The following EPB41L1 variants were observed in gnomAD, a reference collection of about 807,000 sequenced individuals.
EPB41L1 encodes the protein band 4.1-like protein 1.
A neutral mutation model predicts 97.8 loss-of-function variants in EPB41L1; 29 were observed. The ratio of observed to expected loss-of-function variants is 0.30; its 90% CI spans 0.22 to 0.40. The LOEUF is 0.40. EPB41L1 is among the 10% of genes least tolerant of loss of function. The pLI is 1.00. For missense variants in EPB41L1, 812 were observed against 1,162.3 expected (o/e 0.70, Z 4.38); for synonymous variants, 383 against 459.2 (o/e 0.83, Z 2.12).
rs150001504 is a variant in EPB41L1, at chr20:36,194,591, C to T, written c.1449+231C>T. Among the ~76,000 whole-genome samples, 654 of 152,294 alleles carry T rather than the reference C, an allele frequency of 4.3e-3. 3 individuals carry two copies. Among genetic ancestry groups the T allele is most frequent in the Middle Eastern group, 0.034 (10 of 294 alleles). ...CTGTCCTGTACTCTCCCCAGCTTTG[C>T]CCTGCTTTTCCAGAGGGGCACTCTG... On this transcript the variant is annotated intron_variant, in intron 12 of 21. Coordinates refer to ENST00000338074, the MANE Select transcript of EPB41L1 (RefSeq NM_012156.2).
rs1331471421 is a variant in EPB41L1 at position 36,135,027 on chromosome 20, C to T, written c.-10+22547C>T. The stretch of plus-strand genomic sequence containing the variant: ...TACAGGTGCATGCGACCACATCTGG[C>T]TAACTTTTGTATTTTTAGTAGAGAC... On this transcript the variant is annotated intron_variant, in intron 2 of 19. Transcript: ENST00000202028. Among the ~76,000 whole-genome samples, 5 of 151,820 alleles carry T rather than the reference C, an allele frequency of 3.3e-5. No homozygotes were observed. The East Asian group carries it at 9.7e-4, about 29-fold the overall frequency.
intron 2 of EPB41L1, among the ~76,000 whole-genome samples, chr20:36,174,648 T>C (rs2061148766): frequency 6.6e-6 from 1 of 151,254 alleles, no homozygotes. Flanking sequence ...ACTCCTGGGC[T>C]CGAGTGATCC....
At chr20:36,142,508 A>C (rs749985558) in intron 2 of EPB41L1, among the ~76,000 whole-genome samples, 7 of 152,250 alleles carry the variant, frequency 4.6e-5, no homozygotes, top group Non-Finnish European at 8.8e-5. Context: ...CAACGATGAA[A>C]GATGAAACCA....
chr20:36,133,867 A>C (rs1438233067), intron 2 of EPB41L1, among the ~76,000 whole-genome samples: 2 of 152,062 alleles, frequency 1.3e-5, no homozygotes, highest in African/African-American at 2.4e-5. Context: ...AAAAAAAAAA[A>C]AAAAAAGTAA....
At position 36,092,878 on chromosome 20, in the gene EPB41L1, CGT is replaced by C. The variant is rs1184695303; in HGVS notation, c.-65+1270_-65+1271del. On this transcript the variant is annotated intron_variant, in intron 1 of 19. Transcript: ENST00000202028. This position sits in a 1 kb window ranked among gnomAD's most constrained non-coding sequence, Gnocchi z 7.0. ...CCCGCCGCGTCGGGTCCCGCGTGTG[CGT>C]GTGGGGTGGCCGCCGAGGGCGGCGG... The C allele has an allele frequency of 2.0e-5, 3 of 152,128 alleles. No individual in the cohort carries two copies. The allele number at this position is 152,128 out of a possible 1,614,324, so 9.4% of individuals were successfully genotyped here.
chr20:36,161,111 A>G (rs1448638228), intron 1 of EPB41L1, among the ~76,000 whole-genome samples: 1 of 152,154 alleles, frequency 6.6e-6, no homozygotes, highest in Non-Finnish European at 1.5e-5. Flanking sequence ...GCCTGGGGGA[A>G]CTGGTCTTGG....
intron 5 of EPB41L1, 75 bp from the exon 6 acceptor site, chr20:36,182,197 G>T: frequency 7.4e-7 from 1 of 1,350,228 alleles, no homozygotes; most frequent in Non-Finnish European, 1.1e-6. Flanking sequence ...TTGAAAAACT[G>T]CCCAGAGGAT....
intron 9 of EPB41L1, among the ~76,000 whole-genome samples, chr20:36,188,814 T>A (rs1027619846): frequency 6.9e-6 from 1 of 144,526 alleles, no homozygotes; most frequent in Admixed American, 7.1e-5. Context: ...ACCCCGTCTC[T>A]ACTAAAAATA....
In EPB41L1 at chr20:36,214,427, T is replaced by TATCGACCAC; in HGVS notation, c.2256_2264dup (p.Ser753_Thr755dup). ...ACTCCCTCCATCACCACGGAGACCA[T>TATCGACCAC]ATCGACCACCATGGTAAGTTGAACC... is the stretch of plus-strand genomic sequence containing the variant. On this transcript the variant is annotated inframe_insertion, in exon 17 of 22. Transcript: ENST00000338074. 1.2e-6 allele frequency: 2 copies of TATCGACCAC among 1,613,286 alleles called. No homozygotes were observed. Among genetic ancestry groups the TATCGACCAC allele is most frequent in the Non-Finnish European group, 1.7e-6 (2 of 1,179,846 alleles).
Position 36,221,878 on chromosome 20 carries a change from G to A in EPB41L1, c.2454G>A (p.Gly818=). ...TTHVTKTVKG[G]FSETRIEKRI... ...TCCCTCTGCAGACTGTGAAAGGAGG[G>A]TTTTCTGAGACAAGGATCGAGAAGC... Residue 818 remains glycine, a synonymous_variant, in exon 20 of 22, where the codon GGG becomes GGA. Transcript: ENST00000338074. 4 of 1,614,182 alleles carry A rather than the reference G, an allele frequency of 2.5e-6. No homozygotes were observed. The highest frequency in any genetic ancestry group is 3.4e-6 in the Non-Finnish European group (4 of 1,180,050).
chr20:36,217,135 A>G (rs1191920427), intron 17 of EPB41L1, among the ~76,000 whole-genome samples: 9 of 152,186 alleles, frequency 5.9e-5, no homozygotes, highest in Non-Finnish European at 1.0e-4. Context: ...TTTAGTGACA[A>G]GCGTGTGTTG....
At chr20:36,170,427 A>C (rs2060939179) in intron 1 of EPB41L1, among the ~76,000 whole-genome samples, 1 of 152,198 alleles carries the variant, frequency 6.6e-6, no homozygotes, top group Admixed American at 6.5e-5. Context: ...ATTAACACAG[A>C]GATAATCTGT....
At chr20:36,095,216 C>T (rs2057790149) in intron 1 of EPB41L1, among the ~76,000 whole-genome samples, 1 of 152,172 alleles carries the variant, frequency 6.6e-6, no homozygotes, top group Non-Finnish European at 1.5e-5. Context: ...AGGTGATCCA[C>T]CCGCCTCGGC....
chr20:36,146,850 A>G (rs1014566407), intron 2 of EPB41L1, among the ~76,000 whole-genome samples: 3 of 148,522 alleles, frequency 2.0e-5, no homozygotes, highest in East Asian at 2.0e-4. Context: ...GTTGAAAAGA[A>G]AAAAAAAAAA....
chr20:36,219,291 GA>G (rs1870183088), intron 18 of EPB41L1, among the ~76,000 whole-genome samples: 1 of 152,216 alleles, frequency 6.6e-6, no homozygotes, highest in Non-Finnish European at 1.5e-5. Flanking sequence ...TAGGAGGCCA[GA>G]GGCTTGGATT....
intron 1 of EPB41L1, among the ~76,000 whole-genome samples, chr20:36,099,565 G>C (rs1046391511): frequency 1.1e-4 from 17 of 152,222 alleles, no homozygotes; most frequent in African/African-American, 4.1e-4. Flanking sequence ...GCCCAGCCCA[G>C]CCCAGCCCGC....
chr20:36,143,157 G>T (rs200058939), intron 2 of EPB41L1, among the ~76,000 whole-genome samples: 1 of 151,320 alleles, frequency 6.6e-6, no homozygotes, highest in East Asian at 1.9e-4. Flanking sequence ...GTGTGTGTGT[G>T]TGTGTGTGTG....
At chr20:36,201,426 C>T (rs539750419) in intron 14 of EPB41L1, among the ~76,000 whole-genome samples, 2 of 152,272 alleles carry the variant, frequency 1.3e-5, no homozygotes, top group African/African-American at 4.8e-5. Context: ...GACTTCTATG[C>T]TTAGGGTCAG....
intron 1 of EPB41L1, among the ~76,000 whole-genome samples, chr20:36,161,079 G>A (rs1490517907): frequency 3.9e-5 from 6 of 152,212 alleles, no homozygotes; most frequent in Non-Finnish European, 8.8e-5. Context: ...CCCTTCTCCT[G>A]TTCCCTCCTC....
Sources: gnomAD v4.1 joint callset for allele counts (sites outside exome capture counted in the v4.1 genomes callset) on GRCh38, gnomAD v4.1.1 for gene constraint, Gnocchi (gnomAD v3.1) non-coding constraint, MANE v1.5 for transcripts, NCBI Gene and HGNC (gene_info 2026-07-23, HGNC 2026-07-21) for gene names.